Variants in CACNA1C observed in about 807,000 individuals in gnomAD.
CACNA1C encodes calcium voltage-gated channel subunit alpha1 C, also known as voltage-dependent L-type calcium channel subunit alpha-1C.
In CACNA1C, 30 loss-of-function variants were observed where a neutral mutation model predicts 229.0. That is an observed-to-expected ratio of 0.13 (90% confidence interval 0.10 to 0.18). The LOEUF is 0.18. Ranked by LOEUF, CACNA1C falls within the 10% of genes least tolerant of loss-of-function variation. The probability of loss-of-function intolerance (pLI) is 1.00; values close to 1 mark genes in which losing one functional copy is unlikely to be tolerated. For synonymous variants in CACNA1C, 1,114 were observed against 1,132.5 expected (o/e 0.98, Z 0.33); for missense variants, 1,658 against 2,845.0 (o/e 0.58, Z 9.49).
intron 29 of CACNA1C, among the ~76,000 whole-genome samples, chr12:2,618,464 C>T (rs1245739737): frequency 3.9e-5 from 6 of 152,348 alleles, no homozygotes; most frequent in Admixed American, 2.0e-4. Context: ...GTCAGAGCAG[C>T]GGCTCATCAG....
intron 3 of CACNA1C, among the ~76,000 whole-genome samples, chr12:2,266,902 C>T (rs1457345030): frequency 2.0e-5 from 3 of 152,186 alleles, no homozygotes; most frequent in Non-Finnish European, 4.4e-5. Flanking sequence ...CTTTGCTCTT[C>T]TGTCAACCAA....
chr12:2,061,130 CTT>C (rs34246535), intron 1 of CACNA1C, among the ~76,000 whole-genome samples: 1,767 of 146,822 alleles, frequency 0.012, 19 homozygotes, highest in Non-Finnish European at 0.017. Flanking sequence ...AATCAAATCC[CTT>C]TTTTTTTTTT....
intron 3 of CACNA1C, among the ~76,000 whole-genome samples, chr12:2,206,311 A>T (rs1477774991): frequency 2.6e-5 from 4 of 152,212 alleles, no homozygotes; most frequent in Admixed American, 2.6e-4. Flanking sequence ...GTAGTATTTT[A>T]AAAAAGCAGA....
At chr12:2,583,159 C>A (rs1182910656) in intron 15 of CACNA1C, among the ~76,000 whole-genome samples, 3 of 152,206 alleles carry the variant, frequency 2.0e-5, no homozygotes, top group Non-Finnish European at 4.4e-5. Flanking sequence ...GCAGCGGCGC[C>A]GCGCTCCGGG....
chr12:2,379,900 G>A (rs895335594), intron 3 of CACNA1C, among the ~76,000 whole-genome samples: 3 of 149,364 alleles, frequency 2.0e-5, no homozygotes, highest in South Asian at 4.3e-4. Flanking sequence ...GCGTAGTGGC[G>A]GGCGCCTGTA....
chr12:2,551,743 C>T (rs2099904034), intron 10 of CACNA1C, among the ~76,000 whole-genome samples: 1 of 152,096 alleles, frequency 6.6e-6, no homozygotes, highest in East Asian at 1.9e-4. Context: ...AAGACGGTTC[C>T]TGTTGGGGGA....
At chr12:2,442,791 A>G (rs4384423) in intron 3 of CACNA1C, among the ~76,000 whole-genome samples, 5,777 of 152,230 alleles carry the variant, frequency 0.038, 358 homozygotes, top group African/African-American at 0.13. Flanking sequence ...GAACAGAGCA[A>G]GAGAGAGAAT....
intron 1 of CACNA1C, among the ~76,000 whole-genome samples, chr12:2,061,928 G>C (rs1198584328): frequency 1.3e-5 from 2 of 152,168 alleles, no homozygotes; most frequent in Non-Finnish European, 2.9e-5. Context: ...GGAGATAGAG[G>C]GGACAGTTCT....
At chr12:2,550,386 C>G (rs1181870939) in intron 10 of CACNA1C, among the ~76,000 whole-genome samples, 1 of 152,146 alleles carries the variant, frequency 6.6e-6, no homozygotes, top group African/African-American at 2.4e-5. Context: ...TCCCTTTCGC[C>G]CCTCTTCAAA....
chr12:2,184,923 GT>G (rs1285762291), intron 3 of CACNA1C, among the ~76,000 whole-genome samples: 2 of 152,200 alleles, frequency 1.3e-5, no homozygotes, highest in Non-Finnish European at 2.9e-5. Context: ...TGGGTATTTA[GT>G]CATTTAGTAT....
rs189645624 is a variant in CACNA1C at position 2,344,529 on chromosome 12, C to G, written c.478-104447C>G. On this transcript the variant is annotated intron_variant, in intron 3 of 46. Coordinates refer to ENST00000399655, the MANE Select transcript of CACNA1C (RefSeq NM_000719.7). ...TTTTTAAAACATTTATGTTCAACTG[C>G]TTTTTTGAGTGCTTATCATTCCAGA... is the stretch of plus-strand genomic sequence containing the variant. 2.7e-3 allele frequency among the ~76,000 whole-genome samples: 407 copies of G among 152,256 alleles called. 4 individuals are homozygous for G. Among genetic ancestry groups the G allele is most frequent in the African/African-American group, 9.7e-3 (402 of 41,558 alleles).
At chr12:2,448,308 C>T (rs1037789917) in intron 3 of CACNA1C, among the ~76,000 whole-genome samples, 2 of 152,238 alleles carry the variant, frequency 1.3e-5, no homozygotes, top group African/African-American at 4.8e-5. Context: ...CTGCCTCCAT[C>T]CGCAAAGTGC....
intron 3 of CACNA1C, among the ~76,000 whole-genome samples, chr12:2,191,975 C>T (rs558768661): frequency 1.3e-5 from 2 of 152,200 alleles, no homozygotes; most frequent in African/African-American, 2.4e-5. Flanking sequence ...CACAGGCACA[C>T]GTGTACACGC....
intron 9 of CACNA1C, among the ~76,000 whole-genome samples, chr12:2,547,286 T>C (rs2099883097): frequency 6.6e-6 from 1 of 152,210 alleles, no homozygotes; most frequent in Non-Finnish European, 1.5e-5. Flanking sequence ...TTTTCCTGTA[T>C]GTTTTGATTT....
rs1226031568 is a variant in CACNA1C at position 2,678,996 on chromosome 12, G to T, written c.5092-448G>T. Among the ~76,000 whole-genome samples, 1 of 152,214 alleles carries T rather than the reference G, an allele frequency of 6.6e-6. No individual in the cohort carries two copies. The highest frequency in any genetic ancestry group is 1.5e-5 in the Non-Finnish European group (1 of 68,038). On this transcript the variant is annotated intron_variant, in intron 41 of 46. Coordinates refer to ENST00000399655, the MANE Select transcript of CACNA1C (RefSeq NM_000719.7). The surrounding 1 kb of genome is among the most constrained non-coding windows in gnomAD (Gnocchi z 4.1). ...GCTTTTAGCTCTGTGAGCACACTGG[G>T]TTTCCATTTTTTAAATCTGGTTAGA...
chr12:2,641,143 T>C lies in CACNA1C; in HGVS notation c.3912+6763T>C, dbSNP rs372392462. On this transcript the variant is annotated intron_variant, in intron 30 of 46. Coordinates refer to ENST00000399655, the MANE Select transcript of CACNA1C (RefSeq NM_000719.7). Reference sequence around the variant, plus strand: ...TAGAGAGATGTGGTCAGAAAGCAGATTTGTCCAAGGACATTAGGGTGTACA... The same window carrying C: ...TAGAGAGATGTGGTCAGAAAGCAGACTTGTCCAAGGACATTAGGGTGTACA... 4.6e-5 allele frequency among the ~76,000 whole-genome samples: 7 copies of C among 152,364 alleles called. No homozygotes were observed. The South Asian group carries it at 1.4e-3, about 32-fold the overall frequency.
intron 3 of CACNA1C, among the ~76,000 whole-genome samples, chr12:2,336,721 AC>A (rs1393965152): frequency 6.6e-6 from 1 of 151,978 alleles, no homozygotes; most frequent in Non-Finnish European, 1.5e-5. Flanking sequence ...AATGAGGCCA[AC>A]CCCCTGGCTA....
Position 2,610,572 on chromosome 12 carries a change from G to A in CACNA1C, c.3590G>A (p.Arg1197Gln), listed in dbSNP as rs1474032393. 4 of 1,613,938 alleles carry A rather than the reference G, an allele frequency of 2.5e-6. No homozygotes were observed. Among genetic ancestry groups the A allele is most frequent in the East Asian group, 2.2e-5 (1 of 44,866 alleles). ...RQCVEYALKARPLRRYIPKNQ... is the reference protein window; with the variant it reads ...RQCVEYALKAQPLRRYIPKNQ... ...TGCGTGGAATACGCCCTCAAGGCCC[G>A]GCCCCTGCGGAGGTACATCCCCAAG... Residue 1197 changes from arginine to glutamine, a missense_variant, in exon 28 of 47, where the codon CGG becomes CAG. Arg to Gln is a conservative substitution (Grantham distance 43). Around this residue, in one of 20 missense-constraint regions of CACNA1C, gnomAD observed 67 missense variants for 106.4 expected, o/e 0.63. Coordinates refer to ENST00000399655, the MANE Select transcript of CACNA1C (RefSeq NM_000719.7).
At position 2,321,023 on chromosome 12, in the gene CACNA1C, G is replaced by T. The variant is rs920857139; in HGVS notation, c.478-127953G>T. Among the ~76,000 whole-genome samples the T allele has an allele frequency of 4.6e-5, 7 of 152,226 alleles. 1 individual carries two copies. Among genetic ancestry groups the T allele is most frequent in the Non-Finnish European group, 1.0e-4 (7 of 68,042 alleles). ...GCTGTGTAAGGCAATGGATGGCTGA[G>T]GCTGCAGCCTATAATCACGTATTTA... On this transcript the variant is annotated intron_variant, in intron 3 of 46. Coordinates refer to ENST00000399655, the MANE Select transcript of CACNA1C (RefSeq NM_000719.7).
Sources: gnomAD v4.1 joint callset for allele counts (sites outside exome capture counted in the v4.1 genomes callset) on GRCh38, gnomAD v4.1.1 for gene constraint, gnomAD v4.1.1 regional missense constraint, Gnocchi (gnomAD v3.1) non-coding constraint, MANE v1.5 for transcripts, NCBI Gene and HGNC (gene_info 2026-07-23, HGNC 2026-07-21) for gene names.